Variants in ROBO1 observed in about 807,000 individuals in gnomAD.
The protein encoded by ROBO1 is roundabout guidance receptor 1, also known as roundabout homolog 1.
In ROBO1, 149 loss-of-function variants were observed where a neutral mutation model predicts 195.9. That is an observed-to-expected ratio of 0.76 (90% CI 0.67 to 0.87). ROBO1 has a LOEUF of 0.87. ROBO1 is among the 40% of genes least tolerant of loss of function. The probability of loss-of-function intolerance (pLI) is 0.00; values close to 1 mark genes in which losing one functional copy is unlikely to be tolerated. For missense variants in ROBO1, 1,933 were observed against 2,068.3 expected (o/e 0.93, Z 1.27); for synonymous variants, 816 against 733.2 (o/e 1.11, Z -1.82).
intron 2 of ROBO1, among the ~76,000 whole-genome samples, chr3:79,129,559 T>C (rs1416929632): frequency 1.3e-5 from 2 of 152,150 alleles, no homozygotes; most frequent in Admixed American, 1.3e-4. Flanking sequence ...ATAAATTATG[T>C]CCTCAAGGAA....
intron 4 of ROBO1, among the ~76,000 whole-genome samples, chr3:78,798,149 G>A (rs1466148279): frequency 6.6e-6 from 1 of 152,172 alleles, no homozygotes; most frequent in Non-Finnish European, 1.5e-5. Flanking sequence ...TTATTTAGTA[G>A]TTATTTGGAG....
At chr3:78,995,838 A>G (rs2077352620) in intron 3 of ROBO1, among the ~76,000 whole-genome samples, 1 of 152,054 alleles carries the variant, frequency 6.6e-6, no homozygotes, top group Non-Finnish European at 1.5e-5. Flanking sequence ...TCAAGCCCCT[A>G]AATTAGAGAA....
At chr3:78,933,324 C>T (rs2039633040) in intron 4 of ROBO1, among the ~76,000 whole-genome samples, 1 of 152,116 alleles carries the variant, frequency 6.6e-6, no homozygotes, top group Non-Finnish European at 1.5e-5. Context: ...ATATTAACTA[C>T]TCTTTGGAAA....
intron 2 of ROBO1, among the ~76,000 whole-genome samples, chr3:79,458,386 A>G (rs1004040264): frequency 3.3e-5 from 5 of 152,168 alleles, no homozygotes; most frequent in African/African-American, 1.2e-4. Flanking sequence ...CTTATGAAAC[A>G]CAATGCTTTC....
At chr3:78,953,246 G>A (rs1025744146) in intron 3 of ROBO1, among the ~76,000 whole-genome samples, 2 of 152,060 alleles carry the variant, frequency 1.3e-5, no homozygotes, top group Non-Finnish European at 2.9e-5. Flanking sequence ...ATCCTGAGCT[G>A]TAACTAAGGG....
intron 2 of ROBO1, chr3:79,508,000 A>G (rs1940496045): frequency 6.5e-6 from 1 of 152,842 alleles, no homozygotes; most frequent in Admixed American, 6.5e-5. Flanking sequence ...AAAATATCAC[A>G]AGGACAGGAA....
chr3:79,265,423 C>T (rs1250470833), intron 2 of ROBO1, among the ~76,000 whole-genome samples: 2 of 151,456 alleles, frequency 1.3e-5, no homozygotes, highest in East Asian at 3.9e-4. Context: ...AAGCCAAGTA[C>T]TGATGAAACA....
chr3:78,650,652 C>T (rs932264777), intron 19 of ROBO1, among the ~76,000 whole-genome samples: 2 of 152,130 alleles, frequency 1.3e-5, no homozygotes, highest in Non-Finnish European at 1.5e-5. Context: ...GTAGAAAATT[C>T]GTGGGAAAAA....
chr3:78,673,870 G>A (rs1486141332), intron 10 of ROBO1, among the ~76,000 whole-genome samples: 2 of 151,628 alleles, frequency 1.3e-5, no homozygotes, highest in Non-Finnish European at 2.9e-5. Flanking sequence ...CGCAGATAAA[G>A]AGCATAATTG....
intron 4 of ROBO1, among the ~76,000 whole-genome samples, chr3:78,780,137 A>G (rs1179861735): frequency 6.6e-6 from 1 of 152,146 alleles, no homozygotes; most frequent in Admixed American, 6.6e-5. Context: ...GGATAGCATT[A>G]GGAGAAATAC....
chr3:79,261,633 T>A (rs956523758), intron 2 of ROBO1, among the ~76,000 whole-genome samples: 5 of 151,980 alleles, frequency 3.3e-5, no homozygotes, highest in Non-Finnish European at 7.4e-5. Context: ...CCACCAAATG[T>A]AGTAGGCCGT....
chr3:79,057,163 G>T (rs1482023310), intron 3 of ROBO1, among the ~76,000 whole-genome samples: 2 of 151,976 alleles, frequency 1.3e-5, no homozygotes, highest in Non-Finnish European at 1.5e-5. Context: ...TTCACTGATG[G>T]CTCCAATGAA....
intron 25 of ROBO1, among the ~76,000 whole-genome samples, chr3:78,630,155 T>C (rs1455665540): frequency 1.3e-5 from 2 of 152,190 alleles, no homozygotes; most frequent in Non-Finnish European, 2.9e-5. Context: ...TAAGCCTCTT[T>C]AAAAACACAT....
At chr3:78,614,468 C>A (rs1361173333) in intron 28 of ROBO1, among the ~76,000 whole-genome samples, 180 bp downstream of exon 28, 2 of 151,976 alleles carry the variant, frequency 1.3e-5, no homozygotes, top group Admixed American at 1.3e-4. Flanking sequence ...CAGAAAACTG[C>A]AAGGAGTAGA....
At chr3:79,633,866 T>A (rs931300830) in intron 1 of ROBO1, among the ~76,000 whole-genome samples, 1 of 152,110 alleles carries the variant, frequency 6.6e-6, no homozygotes, top group Non-Finnish European at 1.5e-5. Flanking sequence ...GCTGTGTCCA[T>A]CTCTGTGGTT....
chr3:79,615,531 A>C (rs1219744809), intron 1 of ROBO1, among the ~76,000 whole-genome samples: 2 of 152,184 alleles, frequency 1.3e-5, no homozygotes, highest in African/African-American at 4.8e-5. Flanking sequence ...AAATTGGTTG[A>C]GATCTGTCCG....
At chr3:79,368,083 A>G (rs1398508069) in intron 2 of ROBO1, among the ~76,000 whole-genome samples, 1 of 152,050 alleles carries the variant, frequency 6.6e-6, no homozygotes, top group Non-Finnish European at 1.5e-5. Flanking sequence ...CTGGGACTAC[A>G]GGTGCGTGCC....
At chr3:78,906,900 C>A (rs904317207) in intron 4 of ROBO1, among the ~76,000 whole-genome samples, 1 of 151,736 alleles carries the variant, frequency 6.6e-6, no homozygotes, top group Admixed American at 6.6e-5. Flanking sequence ...TACATTTTTG[C>A]AAATTTATTT....
chr3:79,055,110 G>T (rs1302627406), intron 3 of ROBO1, among the ~76,000 whole-genome samples: 1 of 152,070 alleles, frequency 6.6e-6, no homozygotes, highest in Non-Finnish European at 1.5e-5. Flanking sequence ...GGTGGGCCTG[G>T]TGTTAGGTGG....
Sources: gnomAD v4.1 joint callset for allele counts (sites outside exome capture counted in the v4.1 genomes callset) on GRCh38, gnomAD v4.1.1 for gene constraint, MANE v1.5 for transcripts, NCBI Gene and HGNC (gene_info 2026-07-23, HGNC 2026-07-21) for gene names.